Variants in CELF4 observed in about 807,000 individuals in gnomAD.
CELF4 encodes CUGBP Elav-like family member 4, also known as CUG-BP- and ETR-3-like factor 4.
Under a neutral mutation model 59.9 loss-of-function variants are expected in CELF4, and 18 were observed. The ratio of observed to expected loss-of-function variants is 0.30; its 90% CI spans 0.21 to 0.45. The LOEUF (loss-of-function observed/expected upper bound fraction) is 0.45. CELF4 is among the 20% of genes least tolerant of loss of function. The pLI, the probability that CELF4 is intolerant of heterozygous loss-of-function variation, is 1.00. For synonymous variants in CELF4, 261 were observed against 267.1 expected (o/e 0.98, Z 0.22); for missense variants, 456 against 689.0 (o/e 0.66, Z 3.79).
rs192727685 is a variant in CELF4, at chr18:37,415,580, A to G, written c.369+69945T>C. 2.6e-3 allele frequency among the ~76,000 whole-genome samples: 398 copies of G among 152,312 alleles called. 1 individual carries two copies. The highest frequency in any genetic ancestry group is 9.1e-3 in the African/African-American group (379 of 41,568). On this transcript the variant is annotated intron_variant, in intron 2 of 12. Coordinates refer to ENST00000420428, the MANE Select transcript of CELF4 (RefSeq NM_020180.4). ...GTGCCCATCTAGAAAGGTTTTTGGAAGTCTTCTTTTTTTAACTTTAAGAGA... is the reference window on the plus strand; with the variant it reads ...GTGCCCATCTAGAAAGGTTTTTGGAGGTCTTCTTTTTTTAACTTTAAGAGA...
At chr18:37,435,022 G>C (rs2099685821) in intron 2 of CELF4, among the ~76,000 whole-genome samples, 1 of 152,150 alleles carries the variant, frequency 6.6e-6, no homozygotes, top group African/African-American at 2.4e-5. Flanking sequence ...GGATCCAGGG[G>C]ATGTAGGGAG....
rs5824051 is a variant in CELF4, at chr18:37,343,329, CTGTGTGTGTGTGTGTGTG to C, written c.370-21466_370-21449del. Among the ~76,000 whole-genome samples the C allele has an allele frequency of 2.2e-3, 276 of 127,050 alleles. 2 individuals carry two copies. Among genetic ancestry groups the C allele is most frequent in the African/African-American group, 7.6e-3 (252 of 33,212 alleles). 83.3% of individuals were successfully genotyped at this position (127,050 alleles called of 152,430 possible). On this transcript the variant is annotated intron_variant, in intron 2 of 12. Coordinates refer to ENST00000420428, the MANE Select transcript of CELF4 (RefSeq NM_020180.4). ...ATTGTGTTGAGAATGGGTGTTGATT[CTGTGTGTGTGTGTGTGTG>C]TGTGTGTGTGTGTGTGTGTGTGTGT...
At chr18:37,494,824 G>T (rs1268691567) in intron 1 of CELF4, among the ~76,000 whole-genome samples, 2 of 152,132 alleles carry the variant, frequency 1.3e-5, no homozygotes, top group Non-Finnish European at 2.9e-5. Context: ...AGACACGAGG[G>T]TCCTTGGAAG....
chr18:37,361,061 C>T (rs968152532), intron 2 of CELF4, among the ~76,000 whole-genome samples: 29 of 152,046 alleles, frequency 1.9e-4, no homozygotes, highest in Admixed American at 5.2e-4. Flanking sequence ...CATGTTGGGG[C>T]CCCCAGCAAT....
chr18:37,313,355 T>A (rs2096744368), intron 3 of CELF4, among the ~76,000 whole-genome samples: 1 of 152,216 alleles, frequency 6.6e-6, no homozygotes, highest in South Asian at 2.1e-4. Flanking sequence ...CTCTGAGAAG[T>A]TTCTGTGCAC....
intron 1 of CELF4, among the ~76,000 whole-genome samples, chr18:37,503,030 C>T (rs2099933611): frequency 6.6e-6 from 1 of 152,204 alleles, no homozygotes; most frequent in African/African-American, 2.4e-5. Flanking sequence ...CATCTGTGAG[C>T]AGATGACATT....
At chr18:37,375,878 C>T (rs2098963193) in intron 2 of CELF4, among the ~76,000 whole-genome samples, 1 of 152,182 alleles carries the variant, frequency 6.6e-6, no homozygotes, top group Non-Finnish European at 1.5e-5. Context: ...CCTGGGGAGC[C>T]TTCCCCATTC....
intron 2 of CELF4, among the ~76,000 whole-genome samples, chr18:37,379,152 C>G (rs559555512): frequency 4.6e-5 from 7 of 152,274 alleles, no homozygotes; most frequent in African/African-American, 1.7e-4. Flanking sequence ...CCCCCGGGGC[C>G]TGGCCTAGGC....
chr18:37,328,368 C>T (rs778423961), intron 2 of CELF4, among the ~76,000 whole-genome samples: 9 of 152,156 alleles, frequency 5.9e-5, no homozygotes, highest in Admixed American at 2.0e-4. Flanking sequence ...CGCTGGCAGC[C>T]GAGGTGACTG....
intron 2 of CELF4, among the ~76,000 whole-genome samples, chr18:37,391,185 G>T (rs1341997177): frequency 2.0e-5 from 3 of 152,128 alleles, no homozygotes; most frequent in African/African-American, 7.2e-5. Context: ...GGCAGGGAGA[G>T]AAGCCTCTTG....
intron 1 of CELF4, among the ~76,000 whole-genome samples, chr18:37,517,055 T>A (rs1005376128): frequency 4.6e-5 from 7 of 152,272 alleles, no homozygotes; most frequent in African/African-American, 1.4e-4. Context: ...GCATGCCCCA[T>A]CCAAGCACAG....
intron 9 of CELF4, among the ~76,000 whole-genome samples, chr18:37,265,881 A>C (rs2077297798): frequency 6.6e-6 from 1 of 152,182 alleles, no homozygotes; most frequent in South Asian, 2.1e-4. Flanking sequence ...GACACAGGCT[A>C]GGCAGGGATG....
intron 2 of CELF4, among the ~76,000 whole-genome samples, chr18:37,420,606 G>A (rs1000182260): frequency 7.2e-5 from 11 of 152,324 alleles, no homozygotes; most frequent in African/African-American, 2.6e-4. Flanking sequence ...GCTGTGGCAG[G>A]GAGAGGGTGC....
chr18:37,321,726 C>T, intron 3 of CELF4, 77 bp downstream of exon 3: 3 of 1,074,320 alleles, frequency 2.8e-6, no homozygotes, highest in Non-Finnish European at 4.2e-6. Context: ...GGAGTCGCTG[C>T]ATCGCCTTGC....
chr18:37,298,118 C>T (rs997344308), intron 3 of CELF4, among the ~76,000 whole-genome samples: 1 of 152,202 alleles, frequency 6.6e-6, no homozygotes, highest in African/African-American at 2.4e-5. Context: ...GGGTGAGAGG[C>T]CCAGGAGGCT....
chr18:37,517,418 G>A (rs758603597), intron 1 of CELF4, among the ~76,000 whole-genome samples: 5 of 152,060 alleles, frequency 3.3e-5, no homozygotes, highest in Admixed American at 6.6e-5. Context: ...GGGGCAGGGC[G>A]GGGTCCTCCA....
At chr18:37,508,705 A>T (rs1035712171) in intron 1 of CELF4, among the ~76,000 whole-genome samples, 2 of 152,214 alleles carry the variant, frequency 1.3e-5, no homozygotes, top group African/African-American at 4.8e-5. Context: ...GGTCTGGTGG[A>T]CTGGGGGCCT....
At chr18:37,312,267 C>CAGAT (rs1415619102) in intron 3 of CELF4, among the ~76,000 whole-genome samples, 1 of 151,734 alleles carries the variant, frequency 6.6e-6, no homozygotes, top group Non-Finnish European at 1.5e-5. Flanking sequence ...AGATAGGTGA[C>CAGAT]AGAACTTCCT....
chr18:37,339,753 C>T (rs1051327762), intron 2 of CELF4, among the ~76,000 whole-genome samples: 4 of 69,390 alleles, frequency 5.8e-5, no homozygotes, highest in African/African-American at 1.6e-4. Flanking sequence ...GACTCTGTCT[C>T]AAAAAAAAAA....
Sources: allele counts gnomAD v4.1 joint callset (sites outside exome capture counted in the v4.1 genomes callset), GRCh38; gene constraint gnomAD v4.1.1; transcripts MANE v1.5; gene names NCBI Gene and HGNC (gene_info 2026-07-23, HGNC 2026-07-21).